DLG2: variants seen among roughly 807,000 people sequenced by gnomAD.
DLG2 encodes the protein discs large MAGUK scaffold protein 2, also known as disks large homolog 2.
In DLG2, 45 loss-of-function variants were observed where a neutral mutation model predicts 132.5. That is an observed-to-expected ratio of 0.34 (90% confidence interval 0.27 to 0.44). The LOEUF is 0.44. DLG2 is among the 20% of genes least tolerant of loss of function. The pLI, the probability that DLG2 is intolerant of heterozygous loss-of-function variation, is 1.00. For synonymous variants in DLG2, 424 were observed against 419.6 expected, an observed-to-expected ratio of 1.01 and a Z score of -0.13; for missense variants, 1,045 against 1,196.9, an observed-to-expected ratio of 0.87 and a Z score of 1.87.
chr11:84,191,911 T>G (rs1227182578), intron 8 of DLG2, among the ~76,000 whole-genome samples: 1 of 145,694 alleles, frequency 6.9e-6, no homozygotes, highest in Admixed American at 6.9e-5. Context: ...TGCTGAAACT[T>G]AAAAAAAAAA....
At chr11:85,166,644 T>TA (rs201499539) in intron 4 of DLG2, among the ~76,000 whole-genome samples, 24 of 150,830 alleles carry the variant, frequency 1.6e-4, no homozygotes, top group East Asian at 5.8e-4. Context: ...ACCTAGAATA[T>TA]AAAAAAAAAG....
At position 85,452,980 on chromosome 11, in the gene DLG2, T is replaced by C. The variant is rs564349323; in HGVS notation, c.40+145677A>G. On this transcript the variant is annotated intron_variant, in intron 3 of 27. Coordinates refer to ENST00000376104, the MANE Select transcript of DLG2 (RefSeq NM_001142699.3). ...ATGGCTCAGATTCAAGTACACCTGA[T>C]CAAAGACAGTATTTGAACCCGAGCC... 8.0e-5 allele frequency: 16 copies of C among 200,926 alleles called. 2 individuals carry two copies. In the South Asian group the frequency reaches 8.8e-4, roughly 11 times the overall value. 12.4% of individuals were successfully genotyped at this position (200,926 alleles called of 1,614,324 possible). A position where few individuals can be genotyped will look rare whatever the true frequency, so the allele number is the denominator to read the frequency against.
At chr11:85,107,781 T>C (rs1330019060) in intron 6 of DLG2, among the ~76,000 whole-genome samples, 1 of 151,812 alleles carries the variant, frequency 6.6e-6, no homozygotes, top group African/African-American at 2.4e-5. Context: ...AGAAACAAAC[T>C]GCCACACTTT....
chr11:83,977,762 A>T (rs1423538872), intron 12 of DLG2, among the ~76,000 whole-genome samples: 2 of 152,024 alleles, frequency 1.3e-5, no homozygotes, highest in African/African-American at 4.8e-5. Flanking sequence ...GGAAGTTCAC[A>T]CCCTAACTCG....
At chr11:84,072,242 C>T (rs1009634897) in intron 10 of DLG2, among the ~76,000 whole-genome samples, 11 of 152,216 alleles carry the variant, frequency 7.2e-5, no homozygotes, top group Non-Finnish European at 1.5e-4. Context: ...TTGCTATTCA[C>T]TTCCCCAGCC....
At chr11:83,690,813 C>T (rs2153619682) in intron 18 of DLG2, among the ~76,000 whole-genome samples, 1 of 152,118 alleles carries the variant, frequency 6.6e-6, no homozygotes, top group South Asian at 2.1e-4. Context: ...GAAAAGAATA[C>T]TGTTTTGTAT....
At chr11:85,128,740 C>T (rs983547074) in intron 5 of DLG2, among the ~76,000 whole-genome samples, 8 of 152,064 alleles carry the variant, frequency 5.3e-5, no homozygotes, top group Non-Finnish European at 8.8e-5. Flanking sequence ...TCAAAACATA[C>T]GTAGGGAATT....
chr11:84,420,567 T>C (rs1430548999), intron 7 of DLG2, among the ~76,000 whole-genome samples: 1 of 149,934 alleles, frequency 6.7e-6, no homozygotes, highest in Non-Finnish European at 1.5e-5. Context: ...ACGAGGGTGC[T>C]TCCAACCAAT....
intron 17 of DLG2, among the ~76,000 whole-genome samples, chr11:83,788,261 A>C (rs561835433): frequency 6.6e-6 from 1 of 152,286 alleles, no homozygotes; most frequent in South Asian, 2.1e-4. Flanking sequence ...CCACATCATG[A>C]TCCTCTCATA....
intron 18 of DLG2, among the ~76,000 whole-genome samples, chr11:83,696,638 A>G (rs1363732278): frequency 6.6e-6 from 1 of 152,214 alleles, no homozygotes; most frequent in East Asian, 1.9e-4. Flanking sequence ...TATAGATATA[A>G]TGGAAACAGA....
At chr11:85,166,564 T>C (rs185408065) in intron 4 of DLG2, among the ~76,000 whole-genome samples, 1 of 152,202 alleles carries the variant, frequency 6.6e-6, no homozygotes, top group East Asian at 1.9e-4. Context: ...CAATCTATAA[T>C]GCCTTCAGGA....
intron 6 of DLG2, among the ~76,000 whole-genome samples, chr11:85,084,123 A>T (rs1179598733): frequency 6.6e-6 from 1 of 152,188 alleles, no homozygotes; most frequent in Non-Finnish European, 1.5e-5. Context: ...AGTATGTGGG[A>T]TAAAGTGATT....
intron 18 of DLG2, among the ~76,000 whole-genome samples, chr11:83,701,272 T>A (rs2082891220): frequency 6.6e-6 from 1 of 152,166 alleles, no homozygotes; most frequent in South Asian, 2.1e-4. Context: ...TGAACTTCAA[T>A]TTCCCATCAA....
At chr11:83,744,722 G>C (rs1439187892) in intron 18 of DLG2, among the ~76,000 whole-genome samples, 1 of 152,126 alleles carries the variant, frequency 6.6e-6, no homozygotes, top group Non-Finnish European at 1.5e-5. Flanking sequence ...CACAGAAAAT[G>C]CCTCATGAAT....
intron 11 of DLG2, among the ~76,000 whole-genome samples, chr11:84,008,488 T>C (rs1230516211): frequency 6.6e-6 from 1 of 151,896 alleles, no homozygotes; most frequent in Non-Finnish European, 1.5e-5. Flanking sequence ...CAGACAGCTG[T>C]TGACAGATGG....
chr11:84,850,390 C>T (rs1599733200), intron 6 of DLG2, among the ~76,000 whole-genome samples: 1 of 152,172 alleles, frequency 6.6e-6, no homozygotes, highest in East Asian at 1.9e-4. Context: ...GCAAAACATA[C>T]AGGACTGTGA....
In DLG2 at chr11:85,274,368, A is replaced by G. The variant is rs1485535715; in HGVS notation, c.186+10852T>C. On this transcript the variant is annotated intron_variant, in intron 4 of 27. Coordinates refer to ENST00000376104, the MANE Select transcript of DLG2 (RefSeq NM_001142699.3). ...AGCAAATAAACTAGTCTCAACAACAATAACAAAAAAAGAGTCTCCTTTACT... is the reference window on the plus strand; with the variant it reads ...AGCAAATAAACTAGTCTCAACAACAGTAACAAAAAAAGAGTCTCCTTTACT... 2.0e-5 allele frequency among the ~76,000 whole-genome samples: 3 copies of G among 152,182 alleles called. No homozygotes were observed. In the South Asian group the frequency reaches 6.2e-4, roughly 31 times the overall value.
chr11:85,045,805 T>C (rs2154151838), intron 6 of DLG2, among the ~76,000 whole-genome samples: 1 of 152,194 alleles, frequency 6.6e-6, no homozygotes, highest in East Asian at 1.9e-4. Flanking sequence ...GATGACTCTT[T>C]TCAACTATTC....
chr11:84,605,538 G>C (rs1303133361), intron 6 of DLG2, among the ~76,000 whole-genome samples: 1 of 149,190 alleles, frequency 6.7e-6, no homozygotes, highest in East Asian at 2.0e-4. Context: ...CAACATCTTT[G>C]CATATAAGCA....
Sources: allele counts gnomAD v4.1 joint callset (sites outside exome capture counted in the v4.1 genomes callset), GRCh38; gene constraint gnomAD v4.1.1; transcripts MANE v1.5; gene names NCBI Gene and HGNC (gene_info 2026-07-23, HGNC 2026-07-21).